The following E2F7 variants were observed in gnomAD, a reference collection of about 807,000 sequenced individuals.
E2F7 encodes the protein transcription factor E2F7.
Under a neutral mutation model 81.1 loss-of-function variants are expected in E2F7, and 35 were observed. That is an observed-to-expected ratio of 0.43 (90% CI 0.33 to 0.57). The LOEUF (loss-of-function observed/expected upper bound fraction) is 0.57, where lower values mean the gene tolerates loss of function less well. Ranked by LOEUF, E2F7 falls within the 20% of genes least tolerant of loss-of-function variation. The pLI is 0.04. For synonymous variants in E2F7, 416 were observed against 416.2 expected, an observed-to-expected ratio of 1.00 and a Z score of 0.01; for missense variants, 961 against 1,093.7, an observed-to-expected ratio of 0.88 and a Z score of 1.71.
Position 77,064,432 on chromosome 12 carries a change from TATTA to T in E2F7, c.93+107_93+110del. The stretch of plus-strand genomic sequence containing the variant: ...AGAATGTTTCTATAATGTTTATCAA[TATTA>T]ATTATTATGCTTAAATACAAATACA... On this transcript the variant is annotated intron_variant, in intron 2 of 12. Transcript: ENST00000322886. 1.1e-5 allele frequency: 9 copies of T among 834,928 alleles called. No homozygotes were observed. In the South Asian group the frequency reaches 1.6e-4, roughly 15 times the overall value. The allele number at this position is 834,928 out of a possible 1,614,324, so 51.7% of individuals were successfully genotyped here.
At chr12:77,030,439 A>G in intron 9 of E2F7, 107 bp from the exon 10 acceptor site, 1 of 1,388,706 alleles carries the variant, frequency 7.2e-7, no homozygotes, top group Non-Finnish European at 9.6e-7. Flanking sequence ...AATACTCCTC[A>G]GGCAGATACG....
Position 77,021,429 on chromosome 12 carries a change from A to G in E2F7, c.*2586T>C, listed in dbSNP as rs1954709419. The G allele has an allele frequency of 6.5e-6, 1 of 152,684 alleles. No individual in the cohort carries two copies. The highest frequency in any genetic ancestry group is 2.1e-4 in the South Asian group (1 of 4,834). The allele number at this position is 152,684 out of a possible 1,614,324, so 9.5% of individuals were successfully genotyped here. ...AAATAATAAGAAAACAAAAGCAGTA[A>G]GCAGCAATAAAATTAATACCTACAT... On this transcript the variant is annotated 3_prime_UTR_variant, in exon 13 of 13. Transcript: ENST00000322886.
intron 6 of E2F7, among the ~76,000 whole-genome samples, chr12:77,043,726 A>G (rs901546064): frequency 6.6e-6 from 1 of 152,168 alleles, no homozygotes; most frequent in African/African-American, 2.4e-5. Flanking sequence ...CTGAAATTGT[A>G]GCATTCTAGC....
At chr12:77,048,686 T>C (rs889385504) in intron 4 of E2F7, among the ~76,000 whole-genome samples, 2 of 152,170 alleles carry the variant, frequency 1.3e-5, no homozygotes, top group Non-Finnish European at 2.9e-5. Flanking sequence ...CATGAAAAGA[T>C]GGCATGCTTG....
intron 5 of E2F7, among the ~76,000 whole-genome samples, chr12:77,045,451 C>T (rs561641555): frequency 6.6e-6 from 1 of 152,186 alleles, no homozygotes; most frequent in African/African-American, 2.4e-5. Context: ...ACCAGGCCCA[C>T]CTTTCTTTCC....
chr12:77,041,276 C>T (rs1471788741), intron 7 of E2F7, among the ~76,000 whole-genome samples: 4 of 152,168 alleles, frequency 2.6e-5, no homozygotes, highest in Admixed American at 2.6e-4. Flanking sequence ...ACTGCAACCT[C>T]CGCCTCCCTG....
rs747881908 is a variant in E2F7 at position 77,025,708 on chromosome 12, C to G, written c.2415G>C (p.Lys805Asn). 1 of 1,614,182 alleles carries G rather than the reference C, an allele frequency of 6.2e-7. No homozygotes were observed. Among genetic ancestry groups the G allele is most frequent in the Non-Finnish European group, 8.5e-7 (1 of 1,180,048 alleles). ...LVGPTAVVNP[K>N]SSTLPSADPQ... The stretch of plus-strand genomic sequence containing the variant: ...GGTCTGCAGAAGGGAGTGTGGACGA[C>G]TTTGGATTAACCACAGCTGTGGGGC... Residue 805 changes from lysine (K) to asparagine (N), a missense_variant, in exon 12 of 13, where the codon AAG becomes AAC. Around this residue, in one of 3 missense-constraint regions of E2F7, gnomAD observed 587 missense variants for 620.3 expected, o/e 0.95. Transcript: ENST00000322886.
At chr12:77,050,873 T>C (rs1954980978) in intron 3 of E2F7, 129 bp from the exon 4 acceptor site, 2 of 861,512 alleles carry the variant, frequency 2.3e-6, no homozygotes, top group East Asian at 2.7e-5. Context: ...CTAGTTAAAA[T>C]ACATTTCCTA....
At position 77,049,528 on chromosome 12, in the gene E2F7, G is replaced by A. The variant is rs140759332; in HGVS notation, c.538+1048C>T. Among the ~76,000 whole-genome samples the A allele has an allele frequency of 4.6e-3, 697 of 152,262 alleles. 3 individuals carry two copies. Among genetic ancestry groups the A allele is most frequent in the Middle Eastern group, 0.041 (12 of 294 alleles). ...TAGGTGCTGCAGTTTCCAAGTTATA[G>A]ACCAAAAGAAGGTTACTTCACTTTT... On this transcript the variant is annotated intron_variant, in intron 4 of 12. Coordinates refer to ENST00000322886, the MANE Select transcript of E2F7 (RefSeq NM_203394.3).
chr12:77,021,812 T>C lies in E2F7; in HGVS notation c.*2203A>G, dbSNP rs895085504. 1.1e-4 allele frequency: 17 copies of C among 152,186 alleles called. No homozygotes were observed. The highest frequency in any genetic ancestry group is 4.1e-4 in the African/African-American group (17 of 41,426). 9.4% of individuals were successfully genotyped at this position (152,186 alleles called of 1,614,324 possible). ...AGCGCAGCAGCTTCAATTCCACCAG[T>C]TGTTCTGTAAGATTTATTTTCCTGA... On this transcript the variant is annotated 3_prime_UTR_variant, in exon 13 of 13. Transcript: ENST00000322886.
chr12:77,030,502 T>C (rs888615880), intron 9 of E2F7, among the ~76,000 whole-genome samples, 170 bp from the exon 10 acceptor site: 1 of 152,118 alleles, frequency 6.6e-6, no homozygotes, highest in African/African-American at 2.4e-5. Context: ...GACGCCCAGG[T>C]ATGGCCTGGA....
intron 7 of E2F7, 80 bp downstream of exon 7, chr12:77,042,985 T>C: frequency 1.3e-6 from 2 of 1,591,668 alleles, no homozygotes; most frequent in South Asian, 1.1e-5. Flanking sequence ...TCAGTCTCAC[T>C]GTGTAGTAGA....
chr12:77,024,051 C>G lies in E2F7; in HGVS notation c.2700G>C (p.Gln900His). The G allele has an allele frequency of 6.2e-7, 1 of 1,614,072 alleles. No individual in the cohort carries two copies. The highest frequency in any genetic ancestry group is 8.5e-7 in the Non-Finnish European group (1 of 1,180,036). Residue 900 changes from glutamine (Q) to histidine (H), a missense_variant, in exon 13 of 13, where the codon CAG (glutamine) becomes CAC (histidine). Physicochemically the swap from Gln to His is conservative, Grantham distance 24 (BLOSUM62 0). Transcript: ENST00000322886. ...CGCCGCTGGGGATTTCTAGTCTCCTCTGGGCCGAGCTGGTGTTTCGTGACT... is the reference window on the plus strand; with the variant it reads ...CGCCGCTGGGGATTTCTAGTCTCCTGTGGGCCGAGCTGGTGTTTCGTGACT... ...RNQSRNTSSA[Q>H]RRLEIPSGGA...
intron 3 of E2F7, among the ~76,000 whole-genome samples, chr12:77,054,148 A>C (rs979350128): frequency 6.6e-6 from 1 of 152,082 alleles, no homozygotes; most frequent in Admixed American, 6.6e-5. Context: ...TGGGTGACCA[A>C]ATTATCTGTA....
intron 2 of E2F7, among the ~76,000 whole-genome samples, chr12:77,058,832 C>T (rs963154833): frequency 3.3e-5 from 5 of 152,214 alleles, no homozygotes; most frequent in African/African-American, 1.2e-4. Context: ...TACAGCACAT[C>T]ATATTGCTAT....
At position 77,044,807 on chromosome 12, in the gene E2F7, A is replaced by G. The variant is rs1460143641; in HGVS notation, c.830-12T>C. ...ACTGTTTGCAGATGCTACACAAGGAATGAAACAAAAGCATCAAAGTATATG... is the reference window on the plus strand; with the variant it reads ...ACTGTTTGCAGATGCTACACAAGGAGTGAAACAAAAGCATCAAAGTATATG... On this transcript the variant is annotated splice_polypyrimidine_tract_variant and intron_variant, in intron 5 of 12. Coordinates refer to ENST00000322886, the MANE Select transcript of E2F7 (RefSeq NM_203394.3). The G allele has an allele frequency of 1.9e-6, 3 of 1,611,990 alleles. No homozygotes were observed. Among genetic ancestry groups the G allele is most frequent in the Non-Finnish European group, 2.5e-6 (3 of 1,179,300 alleles).
At chr12:77,042,992 T>C (rs1203124939) in intron 7 of E2F7, 73 bp downstream of exon 7, 11 of 1,602,606 alleles carry the variant, frequency 6.9e-6, no homozygotes, top group African/African-American at 2.7e-5. Flanking sequence ...CACTGTGTAG[T>C]AGATGTGAGA....
At chr12:77,028,716 C>T (rs911735511) in intron 10 of E2F7, among the ~76,000 whole-genome samples, 3 of 152,108 alleles carry the variant, frequency 2.0e-5, no homozygotes, top group East Asian at 1.9e-4. Context: ...CCCGGTGATC[C>T]GCCCGCCTCG....
rs1232502790 is a variant in E2F7, at chr12:77,023,502, T to C, written c.*513A>G. ...TGTGTTAAAGACTGTAGTTGTAAAC[T>C]TTTTGCACTAAATCCCATTTCAGGA... On this transcript the variant is annotated 3_prime_UTR_variant, in exon 13 of 13. Coordinates refer to ENST00000322886, the MANE Select transcript of E2F7 (RefSeq NM_203394.3). The C allele has an allele frequency of 6.5e-6, 1 of 152,904 alleles. No homozygotes were observed. The highest frequency in any genetic ancestry group is 2.4e-5 in the African/African-American group (1 of 41,468). The allele number at this position is 152,904 out of a possible 1,614,324, so 9.5% of individuals were successfully genotyped here.
Sources: gnomAD v4.1 joint callset for allele counts (sites outside exome capture counted in the v4.1 genomes callset) on GRCh38, gnomAD v4.1.1 for gene constraint, gnomAD v4.1.1 regional missense constraint, MANE v1.5 for transcripts, NCBI Gene and HGNC (gene_info 2026-07-23, HGNC 2026-07-21) for gene names.